The following THAP4 variants were observed in gnomAD, a reference collection of about 807,000 sequenced individuals.
THAP4 encodes the protein THAP domain containing 4, also known as peroxynitrite isomerase THAP4.
In THAP4, 18 loss-of-function variants were observed where a neutral mutation model predicts 48.1. The ratio of observed to expected loss-of-function variants is 0.37; its 90% CI spans 0.26 to 0.56. The LOEUF (loss-of-function observed/expected upper bound fraction) is 0.56. Among genes scored for constraint, THAP4 ranks in the 20% least tolerant of loss-of-function variants. The probability of loss-of-function intolerance (pLI) is 0.78; values close to 1 mark genes in which losing one functional copy is unlikely to be tolerated. For synonymous variants in THAP4, 345 were observed against 324.9 expected, an observed-to-expected ratio of 1.06 and a Z score of -0.66; for missense variants, 656 against 774.9, an observed-to-expected ratio of 0.85 and a Z score of 1.82.
chr2:241,632,266 T>C (rs1201396064), intron 2 of THAP4, among the ~76,000 whole-genome samples: 6 of 152,070 alleles, frequency 3.9e-5, no homozygotes, highest in Non-Finnish European at 7.4e-5. Flanking sequence ...CTAGTTTTTG[T>C]ATGTTTTAGT....
chr2:241,636,418 G>A (rs956848242), intron 1 of THAP4, among the ~76,000 whole-genome samples: 2 of 152,192 alleles, frequency 1.3e-5, no homozygotes, highest in African/African-American at 4.8e-5. Context: ...AGAGCCCCGG[G>A]CCAGGCTCTA....
At chr2:241,624,882 A>G (rs1205109235) in intron 2 of THAP4, among the ~76,000 whole-genome samples, 2 of 152,188 alleles carry the variant, frequency 1.3e-5, no homozygotes, top group Admixed American at 6.5e-5. Context: ...ACCGACTATG[A>G]GAACGGAAGG....
chr2:241,616,057 G>A lies in THAP4; in HGVS notation c.1241-9584C>T, dbSNP rs2067341532. ...CAAGACGCCTGGGAGAACTCAGTCA[G>A]GGGGCTGGCAAGGACAGGTGAGCAC... On this transcript the variant is annotated intron_variant, in intron 2 of 5. Coordinates refer to ENST00000407315, the MANE Select transcript of THAP4 (RefSeq NM_015963.6). This position sits in a 1 kb window ranked among gnomAD's most constrained non-coding sequence, Gnocchi z 4.6. Among the ~76,000 whole-genome samples, 1 of 152,206 alleles carries A rather than the reference G, an allele frequency of 6.6e-6. No homozygotes were observed. The highest frequency in any genetic ancestry group is 2.4e-5 in the African/African-American group (1 of 41,456).
rs140636222 is a variant in THAP4, at chr2:241,603,883, T to C, written c.1401-804A>G. ...CTTAAAAACTAACTCGCTGGCATGG[T>C]GACTCAAGGCCGTAATCCCAGCACT... On this transcript the variant is annotated intron_variant, in intron 3 of 5. Coordinates refer to ENST00000407315, the MANE Select transcript of THAP4 (RefSeq NM_015963.6). 3.2e-4 allele frequency among the ~76,000 whole-genome samples: 49 copies of C among 152,116 alleles called. No individual in the cohort carries two copies. The East Asian group carries it at 7.9e-3, about 25-fold the overall frequency.
At chr2:241,613,119 C>T (rs1241557049) in intron 2 of THAP4, among the ~76,000 whole-genome samples, 3 of 152,050 alleles carry the variant, frequency 2.0e-5, no homozygotes, top group Admixed American at 6.6e-5. Flanking sequence ...TAGACCTTTT[C>T]GACAGTGCAG....
chr2:241,631,297 T>C lies in THAP4; in HGVS notation c.1240+1620A>G, dbSNP rs147322397. On this transcript the variant is annotated intron_variant, in intron 2 of 5. Coordinates refer to ENST00000407315, the MANE Select transcript of THAP4 (RefSeq NM_015963.6). ...ACTATCATATACTTATTGACAAGCA[T>C]TGATCCAGATGAAATCAACAATGTG... 4.3e-3 allele frequency among the ~76,000 whole-genome samples: 650 copies of C among 152,308 alleles called. 8 individuals are homozygous for C. The highest frequency in any genetic ancestry group is 0.014 in the African/African-American group (576 of 41,554).
intron 2 of THAP4, among the ~76,000 whole-genome samples, chr2:241,613,492 A>G (rs1393139567): frequency 1.3e-5 from 2 of 152,184 alleles, no homozygotes; most frequent in African/African-American, 4.8e-5. Context: ...AGTGGCTCAT[A>G]TCTGTAATCC....
chr2:241,617,554 T>C (rs985993286), intron 2 of THAP4: 48 of 1,202,658 alleles, frequency 4.0e-5, no homozygotes, highest in Non-Finnish European at 5.3e-5. Context: ...ATTCTGGGAA[T>C]TGTAGTTCCA....
rs757743270 is a variant in THAP4 at position 241,633,259 on chromosome 2, G to A, written c.898C>T (p.Pro300Ser). The part of the protein sequence containing the change: ...TATPQKPSQS[P>S]SAPPADVTPK... ...GTGACGTCGGCAGGAGGGGCAGAGG[G>A]GCTCTGGGAAGGCTTCTGCGGTGTC... is the stretch of plus-strand genomic sequence containing the variant. Residue 300 changes from proline to serine, a missense_variant, in exon 2 of 6, where the codon CCC (proline) becomes TCC (serine). By Grantham distance (74) the Pro-to-Ser change is moderately conservative. Around this residue, in one of 4 missense-constraint regions of THAP4, gnomAD observed 391 missense variants for 412.4 expected, o/e 0.95. Transcript: ENST00000407315. The surrounding 1 kb of genome is among the most constrained non-coding windows in gnomAD (Gnocchi z 7.5). The A allele has an allele frequency of 4.3e-6, 7 of 1,611,006 alleles. No homozygotes were observed. The highest frequency in any genetic ancestry group is 5.9e-6 in the Non-Finnish European group (7 of 1,179,302).
intron 3 of THAP4, among the ~76,000 whole-genome samples, chr2:241,603,417 C>T (rs2067143109): frequency 1.4e-5 from 2 of 140,000 alleles, no homozygotes; most frequent in African/African-American, 5.0e-5. Flanking sequence ...CCCCCTCCAG[C>T]GCCTTGCTCA....
intron 2 of THAP4, among the ~76,000 whole-genome samples, chr2:241,630,012 T>C (rs558329398): frequency 6.6e-6 from 1 of 152,284 alleles, no homozygotes; most frequent in South Asian, 2.1e-4. Context: ...AAAAAGGGAC[T>C]GTGTTAGCCA....
chr2:241,590,200 GAC>G (rs1667886516), intron 5 of THAP4, among the ~76,000 whole-genome samples: 1 of 142,082 alleles, frequency 7.0e-6, no homozygotes, highest in South Asian at 2.3e-4. Context: ...TGGGCACTAG[GAC>G]ACACAGAGCT....
In THAP4 at chr2:241,601,859, G is replaced by C. The variant is rs2125076139; in HGVS notation, c.1614+37C>G. The C allele has an allele frequency of 6.2e-7, 1 of 1,612,254 alleles. No homozygotes were observed. The highest frequency in any genetic ancestry group is 8.5e-7 in the Non-Finnish European group (1 of 1,179,466). ...CTGACTCCACAGACCGCTGCAAACA[G>C]AAGACAGGAGCGTGCTGGGAGCAGG... On this transcript the variant is annotated intron_variant, in intron 5 of 5. Coordinates refer to ENST00000407315, the MANE Select transcript of THAP4 (RefSeq NM_015963.6). The surrounding 1 kb of genome is among the most constrained non-coding windows in gnomAD (Gnocchi z 4.0).
chr2:241,587,212 G>A (rs2066905130), intron 5 of THAP4, among the ~76,000 whole-genome samples: 1 of 152,230 alleles, frequency 6.6e-6, no homozygotes, highest in African/African-American at 2.4e-5. Context: ...CCCTCCATGA[G>A]GGTGGGCACC....
chr2:241,626,987 T>C (rs1265891914), intron 2 of THAP4, among the ~76,000 whole-genome samples: 1 of 152,258 alleles, frequency 6.6e-6, no homozygotes, highest in Non-Finnish European at 1.5e-5. Context: ...CTGACATTCC[T>C]GTTTTGTCTG....
intron 2 of THAP4, among the ~76,000 whole-genome samples, chr2:241,613,487 C>G (rs928249816): frequency 6.6e-6 from 1 of 152,172 alleles, no homozygotes; most frequent in East Asian, 1.9e-4. Flanking sequence ...GTTGCAGTGG[C>G]TCATATCTGT....
intron 1 of THAP4, among the ~76,000 whole-genome samples, chr2:241,635,204 G>A (rs1181776340): frequency 6.6e-6 from 1 of 152,204 alleles, no homozygotes; most frequent in Admixed American, 6.5e-5. Flanking sequence ...AGGACCACTT[G>A]GGTCCAGGAG....
chr2:241,606,294 G>C lies in THAP4; in HGVS notation c.1400+20C>G, dbSNP rs772932067. On this transcript the variant is annotated intron_variant, in intron 3 of 5. Coordinates refer to ENST00000407315, the MANE Select transcript of THAP4 (RefSeq NM_015963.6). ...GCGGCCCATGAGTCAAGCAGGGTGGGGTGGAGGGAGACAACTTACGAGAAG... is the reference window on the plus strand; with the variant it reads ...GCGGCCCATGAGTCAAGCAGGGTGGCGTGGAGGGAGACAACTTACGAGAAG... 2.2e-5 allele frequency: 34 copies of C among 1,542,764 alleles called. No individual in the cohort carries two copies. The highest frequency in any genetic ancestry group is 2.7e-5 in the African/African-American group (2 of 72,926).
chr2:241,613,306 CA>C (rs201981238), intron 2 of THAP4, among the ~76,000 whole-genome samples: 1 of 144,302 alleles, frequency 6.9e-6, no homozygotes. Flanking sequence ...ATAGAAACAA[CA>C]AAAAAAAACT....
Sources: allele counts gnomAD v4.1 joint callset (sites outside exome capture counted in the v4.1 genomes callset), GRCh38; gene constraint gnomAD v4.1.1; regional missense constraint gnomAD v4.1.1; non-coding constraint Gnocchi (gnomAD v3.1); transcripts MANE v1.5; gene names NCBI Gene and HGNC (gene_info 2026-07-23, HGNC 2026-07-21).